Variants in NAV1 observed in about 807,000 individuals in gnomAD.
NAV1 encodes pore membrane and/or filament interacting like protein 3.
NAV1 carries 18 observed loss-of-function variants against 175.2 expected under a neutral mutation model. That is an observed-to-expected ratio of 0.10 (90% CI 0.07 to 0.15). NAV1 has a LOEUF of 0.15. Among genes scored for constraint, NAV1 ranks in the 10% least tolerant of loss-of-function variants. The pLI is 1.00. For missense variants in NAV1, 1,731 were observed against 2,436.6 expected (o/e 0.71, Z 6.10); for synonymous variants, 897 against 978.7 (o/e 0.92, Z 1.56).
intron 1 of NAV1, among the ~76,000 whole-genome samples, chr1:201,563,429 C>T (rs1229221518): frequency 1.3e-5 from 2 of 151,700 alleles, no homozygotes; most frequent in Non-Finnish European, 2.9e-5. Context: ...GCATACGAGA[C>T]CACAATCCCC....
At chr1:201,572,888 T>A (rs972304752) in intron 1 of NAV1, among the ~76,000 whole-genome samples, 13 of 152,082 alleles carry the variant, frequency 8.5e-5, no homozygotes, top group African/African-American at 3.1e-4. Flanking sequence ...GGAATTACTT[T>A]TCTTTCTGTC....
intron 1 of NAV1, among the ~76,000 whole-genome samples, chr1:201,579,354 A>T (rs951930505): frequency 5.3e-5 from 8 of 152,008 alleles, no homozygotes; most frequent in African/African-American, 1.9e-4. Flanking sequence ...TCCCTACTTC[A>T]TCCACCCTTT....
Position 201,788,420 on chromosome 1 carries a change from C to G in NAV1, c.2996-48C>G. On this transcript the variant is annotated intron_variant, in intron 9 of 29. Coordinates refer to ENST00000367296, the Ensembl canonical transcript of NAV1. The surrounding 1 kb of genome is among the most constrained non-coding windows in gnomAD (Gnocchi z 5.7). ...GAGAGCTGATGACCCTGCCTCTTTT[C>G]CTGCCCTCCTGCTCCCTCTCCTGTC... The G allele has an allele frequency of 6.2e-7, 1 of 1,607,320 alleles. No individual in the cohort carries two copies. Among genetic ancestry groups the G allele is most frequent in the Non-Finnish European group, 8.5e-7 (1 of 1,175,740 alleles).
At chr1:201,721,494 A>C (rs926981390) in intron 3 of NAV1, among the ~76,000 whole-genome samples, 1 of 148,000 alleles carries the variant, frequency 6.8e-6, no homozygotes, top group Admixed American at 6.7e-5. Context: ...TTAAGTGAAC[A>C]TGCAAACCTG....
chr1:201,639,743 A>T (rs1668698485), intron 2 of NAV1, among the ~76,000 whole-genome samples: 5 of 152,156 alleles, frequency 3.3e-5, no homozygotes, highest in Admixed American at 3.3e-4. Context: ...CAAAGCCCCG[A>T]GAACCCTGCC....
intron 1 of NAV1, among the ~76,000 whole-genome samples, chr1:201,564,230 T>G (rs1666289350): frequency 6.6e-6 from 1 of 151,942 alleles, no homozygotes; most frequent in South Asian, 2.1e-4. Flanking sequence ...ATGGTCAGTT[T>G]GTAGGTGTGA....
chr1:201,643,337 CTTCTTTCT>C (rs148042258), upstream of NAV1, among the ~76,000 whole-genome samples: 13 of 144,310 alleles, frequency 9.0e-5, no homozygotes, highest in African/African-American at 3.2e-4. Flanking sequence ...CCTTCCCTCT[CTTCTTTCT>C]TTCTTTCTTC....
chr1:201,725,998 AG>A (rs920319569), intron 3 of NAV1, among the ~76,000 whole-genome samples: 5 of 152,244 alleles, frequency 3.3e-5, no homozygotes, highest in African/African-American at 1.2e-4. Context: ...ATAGAAAGGT[AG>A]GGTACTTATT....
chr1:201,820,070 A>G, exon 30 of NAV1: 5 of 785,710 alleles, frequency 6.4e-6, no homozygotes, highest in Non-Finnish European at 1.0e-5. Context: ...GAGATGAAAG[A>G]GGAGGGACAG....
chr1:201,677,837 C>T (rs981455838), intron 1 of NAV1, among the ~76,000 whole-genome samples: 1 of 152,160 alleles, frequency 6.6e-6, no homozygotes, highest in African/African-American at 2.4e-5. Flanking sequence ...ACCATGTCAC[C>T]CAGGCTGGTC....
At chr1:201,556,901 TA>T (rs1362838963) in intron 1 of NAV1, among the ~76,000 whole-genome samples, 1 of 152,168 alleles carries the variant, frequency 6.6e-6, no homozygotes, top group Non-Finnish European at 1.5e-5. Flanking sequence ...AACAGGGGCT[TA>T]ATTCTACGGG....
At chr1:201,706,930 A>C (rs1671695643) in intron 1 of NAV1, among the ~76,000 whole-genome samples, 1 of 152,142 alleles carries the variant, frequency 6.6e-6, no homozygotes, top group Non-Finnish European at 1.5e-5. Flanking sequence ...TTGGGGGGTT[A>C]TTACCCTCGG....
chr1:201,672,657 G>A (rs918727796), intron 1 of NAV1, among the ~76,000 whole-genome samples: 17 of 152,188 alleles, frequency 1.1e-4, no homozygotes, highest in Admixed American at 5.2e-4. Context: ...AACTCAAGAC[G>A]CCGTGTGTTT....
Position 201,812,121 on chromosome 1 carries a change from T to G in NAV1, c.5024+147T>G. ...AAATAGAAAGTAGATGTATTTGTCA[T>G]GTCAGTTACAAGGTGGAGGAGGACA... is the stretch of plus-strand genomic sequence containing the variant. On this transcript the variant is annotated intron_variant, in intron 26 of 29. Transcript: ENST00000367296. This position sits in a 1 kb window ranked among gnomAD's most constrained non-coding sequence, Gnocchi z 4.6. The G allele has an allele frequency of 1.2e-6, 1 of 811,188 alleles. No homozygotes were observed. Among genetic ancestry groups the G allele is most frequent in the Non-Finnish European group, 2.0e-6 (1 of 493,494 alleles). The allele number at this position is 811,188 out of a possible 1,614,324, so 50.2% of individuals were successfully genotyped here.
chr1:201,556,311 G>A (rs1382335517), intron 1 of NAV1, among the ~76,000 whole-genome samples: 10 of 152,038 alleles, frequency 6.6e-5, no homozygotes, highest in Non-Finnish European at 1.2e-4. Flanking sequence ...CCAGCTACTC[G>A]GGAGGCTGAG....
intron 1 of NAV1, among the ~76,000 whole-genome samples, chr1:201,674,910 C>T (rs368983483): frequency 1.6e-4 from 25 of 151,912 alleles, no homozygotes; most frequent in African/African-American, 4.8e-4. Flanking sequence ...TGTGGTGGCG[C>T]GCACCTGTAA....
chr1:201,784,970 G>A (rs894405925), intron 7 of NAV1, among the ~76,000 whole-genome samples: 17 of 152,160 alleles, frequency 1.1e-4, no homozygotes, highest in South Asian at 2.1e-4. Flanking sequence ...AGGTTTCACC[G>A]TGTTAGCCAG....
At chr1:201,754,059 C>T (rs1474201618) in intron 3 of NAV1, among the ~76,000 whole-genome samples, 1 of 152,094 alleles carries the variant, frequency 6.6e-6, no homozygotes, top group African/African-American at 2.4e-5. Flanking sequence ...TTCCATATTG[C>T]CTTCTTTCCT....
chr1:201,593,254 C>A (rs764888349), intron 2 of NAV1, among the ~76,000 whole-genome samples: 4 of 152,164 alleles, frequency 2.6e-5, no homozygotes, highest in Non-Finnish European at 5.9e-5. Context: ...GCTTCAGGCC[C>A]TATTCATCTA....
Sources: gnomAD v4.1 joint callset for allele counts (sites outside exome capture counted in the v4.1 genomes callset) on GRCh38, gnomAD v4.1.1 for gene constraint, Gnocchi (gnomAD v3.1) non-coding constraint, MANE v1.5 for transcripts, NCBI Gene and HGNC (gene_info 2026-07-23, HGNC 2026-07-21) for gene names.